ST7L: variants seen among roughly 807,000 people sequenced by gnomAD.
The protein encoded by ST7L is suppressor of tumorigenicity 7 protein-like.
In ST7L, 57 loss-of-function variants were observed where a neutral mutation model predicts 72.5. The ratio of observed to expected loss-of-function variants is 0.79; its 90% confidence interval spans 0.64 to 0.98. The LOEUF is 0.98. ST7L is among the 50% of genes least tolerant of loss of function. ST7L has a pLI of 0.00. For missense variants in ST7L, 576 were observed against 672.2 expected (o/e 0.86, Z 1.58); for synonymous variants, 221 against 240.9 (o/e 0.92, Z 0.77).
chr1:112,577,251 G>A (rs1287857974), intron 10 of ST7L, among the ~76,000 whole-genome samples, 163 bp from the exon 11 acceptor site: 4 of 150,714 alleles, frequency 2.7e-5, no homozygotes, highest in Non-Finnish European at 4.4e-5. Context: ...AAAGCTGGCC[G>A]GGCGCAGTGG....
At chr1:112,605,620 G>A (rs1668117073) in intron 3 of ST7L, among the ~76,000 whole-genome samples, 1 of 152,012 alleles carries the variant, frequency 6.6e-6, no homozygotes, top group Non-Finnish European at 1.5e-5. Context: ...AACCCAGGAG[G>A]CAGAGGTTTC....
intron 1 of ST7L, 121 bp downstream of exon 1, chr1:112,618,788 T>C: frequency 1.4e-6 from 2 of 1,451,324 alleles, no homozygotes; most frequent in South Asian, 1.5e-5. Flanking sequence ...ACTCACTTGA[T>C]CGCTCATCAT....
At chr1:112,610,603 G>A (rs766770594) in intron 3 of ST7L, 47 of 414,816 alleles carry the variant, frequency 1.1e-4, no homozygotes, top group Non-Finnish European at 1.2e-4. Flanking sequence ...CGGTAGAAGT[G>A]GCAAGCAGCT....
chr1:112,555,483 T>C (rs924886931), intron 12 of ST7L, among the ~76,000 whole-genome samples: 1 of 152,028 alleles, frequency 6.6e-6, no homozygotes, highest in African/African-American at 2.4e-5. Context: ...GAGAACGGCA[T>C]GAACCCAGGA....
chr1:112,544,679 G>A (rs1443277579), intron 13 of ST7L, among the ~76,000 whole-genome samples: 1 of 152,192 alleles, frequency 6.6e-6, no homozygotes, highest in African/African-American at 2.4e-5. Context: ...GGTTTATAAA[G>A]AACTTTAATT....
At chr1:112,571,049 G>A (rs1333645018) in intron 11 of ST7L, among the ~76,000 whole-genome samples, 10 of 151,996 alleles carry the variant, frequency 6.6e-5, no homozygotes, top group African/African-American at 2.4e-4. Context: ...GCATGCCTGC[G>A]GTCCCAGCCA....
At chr1:112,606,298 C>T (rs1489121343) in intron 3 of ST7L, among the ~76,000 whole-genome samples, 4 of 152,184 alleles carry the variant, frequency 2.6e-5, no homozygotes, top group Non-Finnish European at 5.9e-5. Context: ...TTTCACATTT[C>T]ACTATAAGCA....
chr1:112,557,476 G>C (rs757172333), intron 11 of ST7L, among the ~76,000 whole-genome samples: 1 of 152,080 alleles, frequency 6.6e-6, no homozygotes, highest in African/African-American at 2.4e-5. Flanking sequence ...TATATGTTCT[G>C]TTTATCCATT....
chr1:112,601,054 T>C lies in ST7L; in HGVS notation c.452-206A>G, dbSNP rs151082944. 1.3e-4 allele frequency among the ~76,000 whole-genome samples: 20 copies of C among 152,362 alleles called. No homozygotes were observed. In the East Asian group the frequency reaches 3.7e-3, roughly 28 times the overall value. ...TAGTATTTGGTTCATAATTCAGTTA[T>C]AGCACTTACCATATTACAATGTGAT... On this transcript the variant is annotated intron_variant, in intron 3 of 14. Transcript: ENST00000358039.
chr1:112,613,284 G>C (rs1474630731), intron 2 of ST7L, among the ~76,000 whole-genome samples: 1 of 152,072 alleles, frequency 6.6e-6, no homozygotes, highest in African/African-American at 2.4e-5. Flanking sequence ...AATAATAACT[G>C]CAAATACTTA....
intron 5 of ST7L, among the ~76,000 whole-genome samples, chr1:112,595,412 G>A (rs537826706): frequency 8.9e-5 from 13 of 145,748 alleles, no homozygotes; most frequent in South Asian, 6.4e-4. Flanking sequence ...ATTTGTTTAC[G>A]TATTGTTTTG....
At chr1:112,585,478 C>G (rs557184910) in intron 6 of ST7L, among the ~76,000 whole-genome samples, 1 of 152,180 alleles carries the variant, frequency 6.6e-6, no homozygotes, top group Admixed American at 6.5e-5. Context: ...CGCGGTGGCT[C>G]ATGCCTGTAA....
chr1:112,570,545 G>GTATATATATATATATA lies in ST7L; in HGVS notation c.1245+6425_1245+6440dup, dbSNP rs71584748. On this transcript the variant is annotated intron_variant, in intron 11 of 14. Transcript: ENST00000358039. Reference sequence around the variant, plus strand: ...TAATAAATTTGTGAGAATAAAAGATGTATATATATATATATATATATATAT... The same window carrying GTATATATATATATATA: ...TAATAAATTTGTGAGAATAAAAGATGTATATATATATATATATATATATATATATATATATATATAT... Among the ~76,000 whole-genome samples, 878 of 130,272 alleles carry GTATATATATATATATA rather than the reference G, an allele frequency of 6.7e-3. 2 individuals are homozygous for GTATATATATATATATA. The highest frequency in any genetic ancestry group is 0.013 in the East Asian group (51 of 3,802). 85.5% of individuals were successfully genotyped at this position (130,272 alleles called of 152,430 possible).
At chr1:112,584,829 A>G (rs1664646407) in intron 6 of ST7L, among the ~76,000 whole-genome samples, 1 of 152,048 alleles carries the variant, frequency 6.6e-6, no homozygotes, top group Non-Finnish European at 1.5e-5. Flanking sequence ...TATGACATCC[A>G]TTTCATGGGG....
intron 3 of ST7L, among the ~76,000 whole-genome samples, chr1:112,610,133 T>C (rs143421343): frequency 1.3e-5 from 2 of 152,192 alleles, no homozygotes; most frequent in East Asian, 3.9e-4. Flanking sequence ...CAGTAGGAAG[T>C]AAGGTGAAAT....
chr1:112,547,561 CTTTTTTTT>C lies in ST7L; in HGVS notation c.1489+3032_1489+3039del, dbSNP rs59755766. 8.2e-3 allele frequency among the ~76,000 whole-genome samples: 507 copies of C among 62,022 alleles called. 1 individual carries two copies. The highest frequency in any genetic ancestry group is 0.029 in the African/African-American group (455 of 15,632). The allele number at this position is 62,022 out of a possible 152,430, so 40.7% of individuals were successfully genotyped here. A position where few individuals can be genotyped will look rare whatever the true frequency, so the allele number is the denominator to read the frequency against. ...ACACATTGTCTGTCATCTTTGTCAT[CTTTTTTTT>C]TTTTTTTTTTTTTTTTTTGGAGACA... is the stretch of plus-strand genomic sequence containing the variant. On this transcript the variant is annotated intron_variant, in intron 13 of 14. Coordinates refer to ENST00000358039, the MANE Select transcript of ST7L (RefSeq NM_017744.5).
intron 3 of ST7L, among the ~76,000 whole-genome samples, chr1:112,605,697 A>G (rs1176580734): frequency 6.6e-6 from 1 of 152,128 alleles, no homozygotes; most frequent in Admixed American, 6.6e-5. Flanking sequence ...CTCAAAAAAA[A>G]AAAAGAGAAA....
rs41283060 is a variant in ST7L, at chr1:112,582,573, G to C, written c.857-101C>G. The C allele has an allele frequency of 1.2e-3, 731 of 607,044 alleles. 4 individuals are homozygous for C. The highest frequency in any genetic ancestry group is 1.7e-3 in the Admixed American group (52 of 30,408). 37.6% of individuals were successfully genotyped at this position (607,044 alleles called of 1,614,324 possible). A position where few individuals can be genotyped will look rare whatever the true frequency, so the allele number is the denominator to read the frequency against. On this transcript the variant is annotated intron_variant, in intron 7 of 14. Transcript: ENST00000358039. ...AATTTTATTTGCTTCCCTTGGAAGA[G>C]TCAATTAAAATTAAATTGTGTCAGA... is the stretch of plus-strand genomic sequence containing the variant.
At chr1:112,548,576 T>C (rs1396904533) in intron 13 of ST7L, among the ~76,000 whole-genome samples, 1 of 152,184 alleles carries the variant, frequency 6.6e-6, no homozygotes, top group Non-Finnish European at 1.5e-5. Flanking sequence ...TATCAACTAG[T>C]TAAGTTTGAT....
Sources: gnomAD v4.1 joint callset for allele counts (sites outside exome capture counted in the v4.1 genomes callset) on GRCh38, gnomAD v4.1.1 for gene constraint, MANE v1.5 for transcripts, NCBI Gene and HGNC (gene_info 2026-07-23, HGNC 2026-07-21) for gene names.